WDFY4: variants seen among roughly 807,000 people sequenced by gnomAD.
The protein encoded by WDFY4 is WDFY family member 4.
A neutral mutation model predicts 351.9 loss-of-function variants in WDFY4; 169 were observed. The ratio of observed to expected loss-of-function variants is 0.48; its 90% CI spans 0.42 to 0.55. The LOEUF (loss-of-function observed/expected upper bound fraction) is 0.55. Among genes scored for constraint, WDFY4 ranks in the 20% least tolerant of loss-of-function variants. WDFY4 has a pLI of 0.00. For missense variants in WDFY4, 3,803 were observed against 3,935.6 expected (o/e 0.97, Z 0.90); for synonymous variants, 1,622 against 1,574.6 (o/e 1.03, Z -0.71).
chr10:48,792,170 T>G (rs1287419287), intron 23 of WDFY4, among the ~76,000 whole-genome samples: 1 of 152,212 alleles, frequency 6.6e-6, no homozygotes, highest in Non-Finnish European at 1.5e-5. Context: ...TATGACTTTG[T>G]GTGCCTGTGG....
chr10:48,795,489 C>CTGTG (rs1335932577), intron 23 of WDFY4, among the ~76,000 whole-genome samples: 3 of 71,672 alleles, frequency 4.2e-5, no homozygotes, highest in African/African-American at 1.6e-4. Flanking sequence ...ATGTGTGTGT[C>CTGTG]TGTATATATA....
intron 1 of WDFY4, among the ~76,000 whole-genome samples, chr10:48,699,470 G>A (rs771344113): frequency 2.6e-5 from 4 of 152,216 alleles, no homozygotes; most frequent in Non-Finnish European, 5.9e-5. Flanking sequence ...GGAGAGTGGG[G>A]AGAGGAGGGG....
intron 44 of WDFY4, 148 bp from the exon 45 acceptor site, chr10:48,897,306 C>T (rs1179986304): frequency 2.4e-5 from 27 of 1,129,048 alleles, no homozygotes; most frequent in Non-Finnish European, 3.2e-5. Context: ...GTAGGGCTAG[C>T]ACACTGGTTG....
At chr10:48,774,756 A>C in intron 14 of WDFY4, 84 bp downstream of exon 14, 1 of 1,461,154 alleles carries the variant, frequency 6.8e-7, no homozygotes, top group Non-Finnish European at 9.3e-7. Context: ...GGCAGTGGAG[A>C]GACTGCAGGG....
chr10:48,829,506 A>G (rs2068115818), intron 37 of WDFY4, among the ~76,000 whole-genome samples: 1 of 152,228 alleles, frequency 6.6e-6, no homozygotes, highest in Non-Finnish European at 1.5e-5. Context: ...TCCTTCTGCC[A>G]GTCTGGTTTG....
At chr10:48,795,924 TG>T (rs2066859562) in intron 23 of WDFY4, among the ~76,000 whole-genome samples, 1 of 152,110 alleles carries the variant, frequency 6.6e-6, no homozygotes, top group South Asian at 2.1e-4. Context: ...CACATCTGGC[TG>T]GGTGCAGCCA....
At chr10:48,710,046 G>A in intron 2 of WDFY4, 80 bp downstream of exon 2, 2 of 1,307,064 alleles carry the variant, frequency 1.5e-6, no homozygotes, top group Non-Finnish European at 2.1e-6. Flanking sequence ...TGAAGTTGAT[G>A]GTTTTAATGT....
intron 39 of WDFY4, among the ~76,000 whole-genome samples, chr10:48,845,823 TACAG>T (rs201702694): frequency 0.37 from 55,534 of 151,788 alleles, 10,649 homozygotes; most frequent in East Asian, 0.7. Context: ...AGCTTGAATA[TACAG>T]TCTCTAAAGA....
At chr10:48,736,304 T>G in intron 11 of WDFY4, 1 of 616,628 alleles carries the variant, frequency 1.6e-6, no homozygotes, top group South Asian at 1.9e-5. Flanking sequence ...TGACTGTCAT[T>G]AAGGAACTAC....
chr10:48,901,922 C>A lies in WDFY4; in HGVS notation c.7586+59C>A, dbSNP rs1837374912. The A allele has an allele frequency of 2.1e-6, 3 of 1,458,586 alleles. No homozygotes were observed. In the African/African-American group the frequency reaches 4.2e-5, roughly 21 times the overall value. 90.4% of individuals were successfully genotyped at this position (1,458,586 alleles called of 1,614,324 possible). A position where few individuals can be genotyped will look rare whatever the true frequency, so the allele number is the denominator to read the frequency against. On this transcript the variant is annotated intron_variant, in intron 47 of 61. Coordinates refer to ENST00000325239, the MANE Select transcript of WDFY4 (RefSeq NM_001394531.1). ...CACTGCCCTGGCTTTGATGTTCCTC[C>A]TCTGCCTCATCCCACTCTAAAGAAG...
chr10:48,691,012 TG>T (rs1362077517), intron 1 of WDFY4, among the ~76,000 whole-genome samples: 1 of 152,156 alleles, frequency 6.6e-6, no homozygotes, highest in African/African-American at 2.4e-5. Flanking sequence ...CTGCCTTCCA[TG>T]GTGCCCTGGC....
At position 48,709,780 on chromosome 10, in the gene WDFY4, A is replaced by C. The variant is rs777349720; in HGVS notation, c.48A>C (p.Pro16=). The change falls in exon 2 of 62, where the codon CCA becomes CCC. Residue 16 remains proline, a synonymous_variant. Coordinates refer to ENST00000325239, the MANE Select transcript of WDFY4 (RefSeq NM_001394531.1). The part of the protein sequence containing the change: ...LSKAEDRNED[P]GSKNEGQLAA... ...AGGCTGAAGACAGAAATGAAGACCC[A>C]GGTTCCAAAAATGAAGGGCAGCTTG... is the stretch of plus-strand genomic sequence containing the variant. 3.2e-6 allele frequency: 5 copies of C among 1,551,874 alleles called. No individual in the cohort carries two copies. In the South Asian group the frequency reaches 5.9e-5, roughly 18 times the overall value.
intron 44 of WDFY4, among the ~76,000 whole-genome samples, chr10:48,891,051 A>T (rs12243645): frequency 6.6e-6 from 1 of 152,212 alleles, no homozygotes; most frequent in Non-Finnish European, 1.5e-5. Flanking sequence ...ACGACATGTT[A>T]GTTGCTCATT....
chr10:48,766,657 G>C (rs1195484067), intron 13 of WDFY4, among the ~76,000 whole-genome samples: 1 of 152,130 alleles, frequency 6.6e-6, no homozygotes, highest in East Asian at 1.9e-4. Flanking sequence ...GGAGAAGAAG[G>C]GATAAAAAGC....
In WDFY4 at chr10:48,903,659, AAG is replaced by A. The variant is rs1837472190; in HGVS notation, c.7586+1799_7586+1800del. Among the ~76,000 whole-genome samples, 3 of 152,200 alleles carry A rather than the reference AAG, an allele frequency of 2.0e-5. No homozygotes were observed. The South Asian group carries it at 6.2e-4, about 32-fold the overall frequency. ...AAAATTAAATGAGGATGATCAGAGAAAGAGTGGCTGTAGGGCCACTGTGGCTA... is the reference window on the plus strand; with the variant it reads ...AAAATTAAATGAGGATGATCAGAGAAAGTGGCTGTAGGGCCACTGTGGCTA... On this transcript the variant is annotated intron_variant, in intron 47 of 61. Transcript: ENST00000325239.
intron 3 of WDFY4, among the ~76,000 whole-genome samples, chr10:48,720,327 C>A (rs1190311863): frequency 6.6e-6 from 1 of 152,166 alleles, no homozygotes; most frequent in African/African-American, 2.4e-5. Context: ...GGGAGCCCTG[C>A]TGTTCCTGGG....
chr10:48,714,872 C>T (rs1460499021), intron 2 of WDFY4, among the ~76,000 whole-genome samples: 1 of 152,204 alleles, frequency 6.6e-6, no homozygotes, highest in East Asian at 1.9e-4. Flanking sequence ...TGTGAATGGG[C>T]TCACACTCCT....
At chr10:48,736,658 C>T (rs2064678283) in intron 11 of WDFY4, among the ~76,000 whole-genome samples, 1 of 152,202 alleles carries the variant, frequency 6.6e-6, no homozygotes, top group South Asian at 2.1e-4. Context: ...GTGATACAAC[C>T]CTTGCCCTCT....
At chr10:48,744,571 A>G (rs1316187905) in intron 12 of WDFY4, among the ~76,000 whole-genome samples, 2 of 151,996 alleles carry the variant, frequency 1.3e-5, no homozygotes, top group Non-Finnish European at 2.9e-5. Flanking sequence ...TTTCCTGGCT[A>G]TTTTTCTTGT....
Sources: gnomAD v4.1 joint callset for allele counts (sites outside exome capture counted in the v4.1 genomes callset) on GRCh38, gnomAD v4.1.1 for gene constraint, MANE v1.5 for transcripts, NCBI Gene and HGNC (gene_info 2026-07-23, HGNC 2026-07-21) for gene names.